EIF3L: variants seen among roughly 807,000 people sequenced by gnomAD.
EIF3L encodes eIEF associated protein HSPC021.
In EIF3L, 32 loss-of-function variants were observed where a neutral mutation model predicts 74.6. That is an observed-to-expected ratio of 0.43 (90% CI 0.32 to 0.58). EIF3L has a LOEUF of 0.58. Ranked by LOEUF, EIF3L falls within the 20% of genes least tolerant of loss-of-function variation. The pLI, the probability that EIF3L is intolerant of heterozygous loss-of-function variation, is 0.06. For synonymous variants in EIF3L, 256 were observed against 254.4 expected (o/e 1.01, Z -0.06); for missense variants, 474 against 707.8 (o/e 0.67, Z 3.75).
chr22:37,874,629 G>C (rs1007939752), intron 9 of EIF3L, 105 bp downstream of exon 9: 13 of 1,299,324 alleles, frequency 1.0e-5, no homozygotes, highest in South Asian at 4.8e-5. Context: ...AAAGAGGACT[G>C]TTCCCTCAGG....
rs1279037565 is a variant in EIF3L at position 37,877,837 on chromosome 22, G to A, written c.1241G>A (p.Ser414Asn). 1.2e-6 allele frequency: 2 copies of A among 1,613,852 alleles called. No homozygotes were observed. The highest frequency in any genetic ancestry group is 2.2e-5 in the East Asian group (1 of 44,888). Residue 414 changes from serine (S) to asparagine (N), a missense_variant, in exon 11 of 13, where the codon AGT (serine) becomes AAT (asparagine). Around this residue, in one of 4 missense-constraint regions of EIF3L, gnomAD observed 293 missense variants for 469.1 expected, o/e 0.62. Transcript: ENST00000652021. The part of the protein sequence containing the change: ...GDPQVYEELF[S>N]YSCPKFLSPV... ...CCACAAGTCTATGAAGAACTTTTCA[G>A]TTACTCCTGCCCCAAGTTCCTGTCG...
At position 37,851,285 on chromosome 22, in the gene EIF3L, C is replaced by T. The variant is rs1925206780; in HGVS notation, c.88C>T (p.Pro30Ser). 1.9e-6 allele frequency: 3 copies of T among 1,613,778 alleles called. No homozygotes were observed. The East Asian group carries it at 6.7e-5, about 36-fold the overall frequency. ...PSDYDMHTGDPKQDLAYERQY... is the reference protein window; with the variant it reads ...PSDYDMHTGDSKQDLAYERQY... ...TTGTTGTATCCAACCTCCAGGAGATCCAAAGCAGGACCTTGCTTATGAACG... is the reference window on the plus strand; with the variant it reads ...TTGTTGTATCCAACCTCCAGGAGATTCAAAGCAGGACCTTGCTTATGAACG... Residue 30 changes from proline to serine, a missense_variant, in exon 3 of 13, where the codon CCA becomes TCA. Transcript: ENST00000652021.
intron 7 of EIF3L, among the ~76,000 whole-genome samples, chr22:37,866,882 T>C (rs757179996): frequency 3.9e-5 from 6 of 152,026 alleles, no homozygotes; most frequent in Non-Finnish European, 4.4e-5. Context: ...CAGTGTACAG[T>C]GGATGAGATT....
intron 3 of EIF3L, among the ~76,000 whole-genome samples, chr22:37,853,212 C>T (rs781701430): frequency 6.6e-6 from 1 of 152,168 alleles, no homozygotes; most frequent in Non-Finnish European, 1.5e-5. Context: ...GATGATGAGT[C>T]TGTATCTGTA....
chr22:37,864,293 G>A (rs1315264884), intron 7 of EIF3L, among the ~76,000 whole-genome samples: 2 of 152,146 alleles, frequency 1.3e-5, no homozygotes, highest in Non-Finnish European at 2.9e-5. Context: ...GGCCTCAAGT[G>A]AGCCTCTTGA....
intron 3 of EIF3L, among the ~76,000 whole-genome samples, 196 bp from the exon 4 acceptor site, chr22:37,855,369 A>G (rs1245873025): frequency 6.6e-6 from 1 of 152,178 alleles, no homozygotes; most frequent in Admixed American, 6.6e-5. Context: ...TGATACAAAA[A>G]CAATATTTTC....
intron 3 of EIF3L, among the ~76,000 whole-genome samples, chr22:37,855,297 A>C (rs1601754252): frequency 6.6e-6 from 1 of 152,322 alleles, no homozygotes; most frequent in East Asian, 1.9e-4. Context: ...GCAGTTAAAT[A>C]TGGCTATAGT....
chr22:37,856,820 G>A (rs1384052377), intron 4 of EIF3L, among the ~76,000 whole-genome samples: 1 of 151,148 alleles, frequency 6.6e-6, no homozygotes, highest in Non-Finnish European at 1.5e-5. Flanking sequence ...CTCCAGCCTG[G>A]GCAACAAGAG....
intron 8 of EIF3L, among the ~76,000 whole-genome samples, chr22:37,870,631 C>T (rs1926420904): frequency 6.6e-6 from 1 of 151,508 alleles, no homozygotes; most frequent in South Asian, 2.1e-4. Context: ...GCACTTCTCA[C>T]ACGTGTTGGT....
intron 5 of EIF3L, 24 bp downstream of exon 5, chr22:37,858,764 T>G: frequency 1.3e-6 from 2 of 1,585,202 alleles, no homozygotes; most frequent in Non-Finnish European, 1.7e-6. Flanking sequence ...TGTCGCAGTT[T>G]TTTTTTTGTT....
intron 11 of EIF3L, chr22:37,878,497 C>T (rs903315955): frequency 8.1e-5 from 15 of 186,138 alleles, no homozygotes; most frequent in African/African-American, 2.9e-4. Flanking sequence ...GAATTTCGCT[C>T]TCGTTGCCCA....
At chr22:37,888,074 C>A in intron 12 of EIF3L, 1 of 219,156 alleles carries the variant, frequency 4.6e-6, no homozygotes, top group South Asian at 1.3e-4. Context: ...GGGTGGTGGG[C>A]TAGGGCTGTC....
chr22:37,867,563 G>T lies in EIF3L; in HGVS notation c.580-2613G>T, dbSNP rs891029067. The stretch of plus-strand genomic sequence containing the variant: ...AATCCCAGCTACTCAGCAGCTGAGG[G>T]ATGAGAATCACTTGAACCGAGAGGC... On this transcript the variant is annotated intron_variant, in intron 7 of 12. Coordinates refer to ENST00000652021, the MANE Select transcript of EIF3L (RefSeq NM_016091.4). 6.0e-5 allele frequency among the ~76,000 whole-genome samples: 9 copies of T among 150,822 alleles called. No individual in the cohort carries two copies. The Admixed American group carries it at 6.0e-4, about 10-fold the overall frequency.
intron 1 of EIF3L, chr22:37,849,791 C>T (rs1925068480): frequency 1.6e-6 from 1 of 611,954 alleles, no homozygotes; most frequent in Non-Finnish European, 2.9e-6. Context: ...CGCTGATTCC[C>T]ACAGCCTCTT....
intron 12 of EIF3L, 127 bp downstream of exon 12, chr22:37,886,972 A>G (rs994416231): frequency 5.8e-6 from 4 of 684,968 alleles, no homozygotes; most frequent in East Asian, 4.1e-5. Context: ...GCTGTCACCC[A>G]TGCTGGAGTG....
chr22:37,880,028 C>G (rs911324654), intron 11 of EIF3L: 1 of 152,142 alleles, frequency 6.6e-6, no homozygotes, highest in East Asian at 1.9e-4. Flanking sequence ...GTCTCCAACT[C>G]CTGACCTTGT....
chr22:37,874,789 T>G (rs1196838837), intron 9 of EIF3L, among the ~76,000 whole-genome samples: 1 of 151,960 alleles, frequency 6.6e-6, no homozygotes, highest in Non-Finnish European at 1.5e-5. Context: ...AGTGCAGTGG[T>G]GTGATCTCAG....
chr22:37,850,107 T>A (rs1207318516), intron 2 of EIF3L, 44 bp downstream of exon 2: 1 of 1,608,150 alleles, frequency 6.2e-7, no homozygotes, highest in East Asian at 2.2e-5. Flanking sequence ...TAGGGATCAG[T>A]TCCTTTGGAA....
At chr22:37,852,755 C>A (rs1011344656) in intron 3 of EIF3L, among the ~76,000 whole-genome samples, 1 of 151,988 alleles carries the variant, frequency 6.6e-6, no homozygotes, top group African/African-American at 2.4e-5. Flanking sequence ...CAAGGTCCTT[C>A]CCGCCCCTGC....
Sources: gnomAD v4.1 joint callset for allele counts (sites outside exome capture counted in the v4.1 genomes callset) on GRCh38, gnomAD v4.1.1 for gene constraint, gnomAD v4.1.1 regional missense constraint, MANE v1.5 for transcripts, NCBI Gene and HGNC (gene_info 2026-07-23, HGNC 2026-07-21) for gene names.